MAP3K3: variants seen among roughly 807,000 people sequenced by gnomAD.
MAP3K3 encodes the protein mitogen-activated protein kinase kinase kinase 3.
Under a neutral mutation model 80.9 loss-of-function variants are expected in MAP3K3, and 12 were observed. That is an observed-to-expected ratio of 0.15 (90% confidence interval 0.10 to 0.24). MAP3K3 has a LOEUF of 0.24. MAP3K3 is among the 10% of genes least tolerant of loss of function. The pLI is 1.00. For missense variants in MAP3K3, 596 were observed against 834.7 expected (o/e 0.71, Z 3.52); for synonymous variants, 272 against 307.1 (o/e 0.89, Z 1.19).
chr17:63,652,744 C>T lies in MAP3K3; in HGVS notation c.267+88C>T, dbSNP rs901935079. 6 of 807,440 alleles carry T rather than the reference C, an allele frequency of 7.4e-6. No individual in the cohort carries two copies. The African/African-American group carries it at 8.8e-5, about 12-fold the overall frequency. 50.0% of individuals were successfully genotyped at this position (807,440 alleles called of 1,614,324 possible). ...TTTACCAGAGCCTTTAAAGTTTGTT[C>T]CTCTAATATCATCTGCAGGTTTTCA... On this transcript the variant is annotated intron_variant, in intron 4 of 15. Transcript: ENST00000361733.
intron 4 of MAP3K3, among the ~76,000 whole-genome samples, chr17:63,656,116 G>T (rs1231734513): frequency 6.6e-6 from 1 of 152,006 alleles, no homozygotes; most frequent in Non-Finnish European, 1.5e-5. Context: ...TGTAATCCCA[G>T]CTACTTGAGA....
At position 63,693,701 on chromosome 17, in the gene MAP3K3, G is replaced by T. The variant is rs770706062; in HGVS notation, c.1805G>T (p.Arg602Leu). ...ISEHGRDFLR[R>L]IFVEARQRPS... ...GAACATGGCCGGGACTTCCTGAGGC[G>T]CATTTTTGTGGAGGCTCGCCAGAGA... The change falls in exon 16 of 16, where the codon CGC (arginine) becomes CTC (leucine). Residue 602 changes from arginine to leucine, a missense_variant. Around this residue, in one of 2 missense-constraint regions of MAP3K3, gnomAD observed 364 missense variants for 588.9 expected, o/e 0.62. Coordinates refer to ENST00000361733, the MANE Select transcript of MAP3K3 (RefSeq NM_002401.5). The surrounding 1 kb of genome is among the most constrained non-coding windows in gnomAD (Gnocchi z 4.2). The T allele has an allele frequency of 3.1e-6, 5 of 1,605,248 alleles. No homozygotes were observed. The highest frequency in any genetic ancestry group is 4.3e-6 in the Non-Finnish European group (5 of 1,174,374).
chr17:63,663,272 G>T (rs1037179809), intron 5 of MAP3K3, among the ~76,000 whole-genome samples: 5 of 152,104 alleles, frequency 3.3e-5, no homozygotes, highest in Admixed American at 1.3e-4. Flanking sequence ...GGAGGCTGAG[G>T]TAGGTGGATC....
At chr17:63,629,860 G>T (rs2034180133) in intron 1 of MAP3K3, among the ~76,000 whole-genome samples, 3 of 152,154 alleles carry the variant, frequency 2.0e-5, no homozygotes, top group Admixed American at 2.0e-4. Context: ...TAGCTTCCTG[G>T]AAACAGAATT....
chr17:63,684,972 T>G (rs1273380846), intron 7 of MAP3K3, among the ~76,000 whole-genome samples: 1 of 152,206 alleles, frequency 6.6e-6, no homozygotes, highest in Non-Finnish European at 1.5e-5. Flanking sequence ...TTTTATTATA[T>G]TTAGATATCT....
At chr17:63,684,809 T>C (rs377080110) in intron 7 of MAP3K3, among the ~76,000 whole-genome samples, 31 of 152,110 alleles carry the variant, frequency 2.0e-4, no homozygotes, top group Admixed American at 8.5e-4. Context: ...ATGTTTAATG[T>C]TGGAGCTCGG....
In MAP3K3 at chr17:63,644,986, A is replaced by G. The variant is rs1268969327; in HGVS notation, c.127-1048A>G. Among the ~76,000 whole-genome samples, 5 of 151,078 alleles carry G rather than the reference A, an allele frequency of 3.3e-5. No individual in the cohort carries two copies. The East Asian group carries it at 9.7e-4, about 29-fold the overall frequency. ...CTCTCCTTTCCCTGTCATTTTTTAAACTCCCTCAAGTTGTTTGTTTGCCCT... is the reference window on the plus strand; with the variant it reads ...CTCTCCTTTCCCTGTCATTTTTTAAGCTCCCTCAAGTTGTTTGTTTGCCCT... On this transcript the variant is annotated intron_variant, in intron 2 of 15. Coordinates refer to ENST00000361733, the MANE Select transcript of MAP3K3 (RefSeq NM_002401.5).
chr17:63,643,713 G>T (rs1028875434), intron 2 of MAP3K3, among the ~76,000 whole-genome samples: 6 of 152,168 alleles, frequency 3.9e-5, no homozygotes, highest in African/African-American at 1.4e-4. Flanking sequence ...TCCCACAGGG[G>T]CAGACAGGAC....
intron 5 of MAP3K3, among the ~76,000 whole-genome samples, chr17:63,662,856 CG>C (rs986873362): frequency 1.3e-5 from 2 of 150,746 alleles, no homozygotes; most frequent in Non-Finnish European, 3.0e-5. Context: ...TGGGGTTGGG[CG>C]GGGGGCGGTC....
At chr17:63,631,155 T>C (rs890679275) in intron 1 of MAP3K3, among the ~76,000 whole-genome samples, 2 of 152,008 alleles carry the variant, frequency 1.3e-5, no homozygotes, top group African/African-American at 4.8e-5. Flanking sequence ...GGCATGGTGG[T>C]GTGCACCTGT....
chr17:63,626,595 G>A (rs1326358546), intron 1 of MAP3K3, among the ~76,000 whole-genome samples: 1 of 152,196 alleles, frequency 6.6e-6, no homozygotes, highest in Non-Finnish European at 1.5e-5. Flanking sequence ...TTGAGATTTA[G>A]CAAAGGTTCA....
chr17:63,691,307 G>A lies in MAP3K3; in HGVS notation c.1344+74G>A, dbSNP rs143517584. The A allele has an allele frequency of 0.017, 26,708 of 1,600,488 alleles. 279 individuals carry two copies. Among genetic ancestry groups the A allele is most frequent in the Non-Finnish European group, 0.019 (21,721 of 1,171,418 alleles). On this transcript the variant is annotated intron_variant, in intron 13 of 15. Transcript: ENST00000361733. This position sits in a 1 kb window ranked among gnomAD's most constrained non-coding sequence, Gnocchi z 4.8. Reference sequence around the variant, plus strand: ...CCTGGGGGCTGGGGCCTGCAGGAGGGGGGTCACCTTGGATAGGAGTTTGAA... The same window carrying A: ...CCTGGGGGCTGGGGCCTGCAGGAGGAGGGTCACCTTGGATAGGAGTTTGAA...
At chr17:63,690,697 C>G in intron 12 of MAP3K3, 4 of 454,898 alleles carry the variant, frequency 8.8e-6, no homozygotes, top group Non-Finnish European at 1.6e-5. Context: ...GGGACTCCCT[C>G]CCCTAGACAA....
intron 5 of MAP3K3, among the ~76,000 whole-genome samples, chr17:63,666,304 T>C (rs1019128029): frequency 1.8e-4 from 28 of 152,170 alleles, no homozygotes; most frequent in Non-Finnish European, 3.4e-4. Context: ...GAGTGATTAT[T>C]GTTGGGAAAA....
At chr17:63,650,690 GAGAGA>G (rs1395424115) in intron 3 of MAP3K3, among the ~76,000 whole-genome samples, 7 of 143,674 alleles carry the variant, frequency 4.9e-5, no homozygotes, top group African/African-American at 2.0e-4. Context: ...GAGAGAGAGA[GAGAGA>G]GTTTTTTTTT....
chr17:63,686,699 G>T (rs1250269549), intron 8 of MAP3K3, among the ~76,000 whole-genome samples: 1 of 152,190 alleles, frequency 6.6e-6, no homozygotes, highest in Non-Finnish European at 1.5e-5. Context: ...GGGCCATTCA[G>T]GTGGGTGCTG....
Position 63,691,185 on chromosome 17 carries a change from G to T in MAP3K3, c.1296G>T (p.Arg432=), listed in dbSNP as rs879605763. The T allele has an allele frequency of 1.9e-6, 3 of 1,614,206 alleles. No homozygotes were observed. The highest frequency in any genetic ancestry group is 2.5e-6 in the Non-Finnish European group (3 of 1,180,042). Residue 432 remains arginine (R), a synonymous_variant, in exon 13 of 16, where the codon CGG becomes CGT. Transcript: ENST00000361733. This position sits in a 1 kb window ranked among gnomAD's most constrained non-coding sequence, Gnocchi z 4.8. The part of the protein sequence containing the change: ...ERIVQYYGCL[R]DRAEKTLTIF... ...TCGTGCAGTACTATGGCTGTCTGCG[G>T]GACCGCGCTGAGAAGACCCTGACCA...
In MAP3K3 at chr17:63,685,546, T is replaced by G; in HGVS notation, c.666T>G (p.Asn222Lys). 1 of 1,614,180 alleles carries G rather than the reference T, an allele frequency of 6.2e-7. No individual in the cohort carries two copies. The highest frequency in any genetic ancestry group is 8.5e-7 in the Non-Finnish European group (1 of 1,180,024). ...TGGATCCCCTGAGCAGTGCAGAAAA[T>G]TCCTTGTCTGGAAGCTGCCAATCCT... The part of the protein sequence containing the change: ...CMLDPLSSAE[N>K]SLSGSCQSLD... Residue 222 changes from asparagine to lysine, a missense_variant, in exon 8 of 16, where the codon AAT becomes AAG. By Grantham distance (94) the Asn-to-Lys change is moderately conservative (BLOSUM62 0). Around this residue, in one of 2 missense-constraint regions of MAP3K3, gnomAD observed 364 missense variants for 588.9 expected, o/e 0.62. Transcript: ENST00000361733.
intron 3 of MAP3K3, among the ~76,000 whole-genome samples, chr17:63,646,451 C>A (rs2034542975): frequency 6.6e-6 from 1 of 152,200 alleles, no homozygotes; most frequent in Non-Finnish European, 1.5e-5. Context: ...GATATGGTGC[C>A]ATTACTATTC....
Sources: gnomAD v4.1 joint callset for allele counts (sites outside exome capture counted in the v4.1 genomes callset) on GRCh38, gnomAD v4.1.1 for gene constraint, gnomAD v4.1.1 regional missense constraint, Gnocchi (gnomAD v3.1) non-coding constraint, MANE v1.5 for transcripts, NCBI Gene and HGNC (gene_info 2026-07-23, HGNC 2026-07-21) for gene names.